Variants in UBP1 observed in about 807,000 individuals in gnomAD.
UBP1 encodes the protein upstream binding protein 1, also known as upstream-binding protein 1.
In UBP1, 22 loss-of-function variants were observed where a neutral mutation model predicts 76.1. That is an observed-to-expected ratio of 0.29 (90% CI 0.21 to 0.41). The LOEUF (loss-of-function observed/expected upper bound fraction) is 0.41, where lower values mean the gene tolerates loss of function less well. UBP1 is among the 10% of genes least tolerant of loss of function. The probability of loss-of-function intolerance (pLI) is 1.00; values close to 1 mark genes in which losing one functional copy is unlikely to be tolerated. For missense variants in UBP1, 436 were observed against 668.1 expected, an observed-to-expected ratio of 0.65 and a Z score of 3.83; for synonymous variants, 224 against 237.1, an observed-to-expected ratio of 0.94 and a Z score of 0.51.
intron 13 of UBP1, among the ~76,000 whole-genome samples, chr3:33,394,472 T>C (rs937664176): frequency 6.6e-6 from 1 of 151,844 alleles, no homozygotes; most frequent in African/African-American, 2.4e-5. Flanking sequence ...AAAGCTAATA[T>C]AAACAATGAA....
intron 10 of UBP1, among the ~76,000 whole-genome samples, 162 bp from the exon 11 acceptor site, chr3:33,400,444 A>G (rs1412388863): frequency 2.0e-5 from 3 of 152,206 alleles, no homozygotes; most frequent in Admixed American, 2.0e-4. Context: ...AGAAACTTAA[A>G]CATGATACAC....
intron 1 of UBP1, among the ~76,000 whole-genome samples, chr3:33,436,274 A>G (rs2045203429): frequency 6.6e-6 from 1 of 152,184 alleles, no homozygotes; most frequent in South Asian, 2.1e-4. Flanking sequence ...ATTAACATCC[A>G]CCCTTTGCAT....
intron 1 of UBP1, among the ~76,000 whole-genome samples, chr3:33,426,287 TC>T (rs1240038390): frequency 6.6e-6 from 1 of 151,910 alleles, no homozygotes; most frequent in Non-Finnish European, 1.5e-5. Context: ...AAACAATGGC[TC>T]CTACTGAGAG....
chr3:33,415,276 A>G (rs184974125), intron 3 of UBP1, among the ~76,000 whole-genome samples: 1 of 152,314 alleles, frequency 6.6e-6, no homozygotes, highest in African/African-American at 2.4e-5. Flanking sequence ...TTCAGAATTG[A>G]TTTTCTTCAA....
At position 33,389,161 on chromosome 3, in the gene UBP1, A is replaced by T. The variant is rs937727607; in HGVS notation, c.*1170T>A. On this transcript the variant is annotated 3_prime_UTR_variant, in exon 16 of 16. Coordinates refer to ENST00000283629, the MANE Select transcript of UBP1 (RefSeq NM_014517.5). ...TGCTAGCAGACAAGCATTTGGTTTTATGAAAGAGGCACTCTTATAGAGAAA... is the reference window on the plus strand; with the variant it reads ...TGCTAGCAGACAAGCATTTGGTTTTTTGAAAGAGGCACTCTTATAGAGAAA... 3 of 152,750 alleles carry T rather than the reference A, an allele frequency of 2.0e-5. No individual in the cohort carries two copies. Among genetic ancestry groups the T allele is most frequent in the Non-Finnish European group, 1.5e-5 (1 of 68,030 alleles). 9.5% of individuals were successfully genotyped at this position (152,750 alleles called of 1,614,324 possible). A position where few individuals can be genotyped will look rare whatever the true frequency, so the allele number is the denominator to read the frequency against.
At chr3:33,439,028 G>C (rs2045244689) in intron 1 of UBP1, among the ~76,000 whole-genome samples, 1 of 152,174 alleles carries the variant, frequency 6.6e-6, no homozygotes, top group African/African-American at 2.4e-5. Context: ...AAAGGATAAA[G>C]GGCGGAGACT....
chr3:33,425,001 C>T (rs960998116), intron 2 of UBP1, among the ~76,000 whole-genome samples: 2 of 151,982 alleles, frequency 1.3e-5, no homozygotes, highest in African/African-American at 4.8e-5. Flanking sequence ...GCCGAGATTG[C>T]GCCACTGCAC....
intron 1 of UBP1, among the ~76,000 whole-genome samples, chr3:33,433,365 TAAAAAAAAA>T (rs1170395728): frequency 3.5e-5 from 4 of 113,086 alleles, no homozygotes; most frequent in South Asian, 2.9e-4. Context: ...ACCCAGCCTT[TAAAAAAAAA>T]AAAAAAAAAA....
At chr3:33,426,886 T>C (rs2045026942) in intron 1 of UBP1, among the ~76,000 whole-genome samples, 1 of 152,246 alleles carries the variant, frequency 6.6e-6, no homozygotes, top group Non-Finnish European at 1.5e-5. Flanking sequence ...AACACTTTTC[T>C]ATGTTTTTGT....
chr3:33,399,331 A>G (rs184417294), intron 11 of UBP1, among the ~76,000 whole-genome samples: 61 of 152,366 alleles, frequency 4.0e-4, no homozygotes, highest in Admixed American at 3.6e-3. Flanking sequence ...CAGGTTTCCT[A>G]TAGCACTACC....
At chr3:33,409,687 C>T (rs2044520237) in intron 5 of UBP1, 86 bp from the exon 6 acceptor site, 3 of 1,512,846 alleles carry the variant, frequency 2.0e-6, no homozygotes, top group South Asian at 2.3e-5. Context: ...GACCTGACAC[C>T]ACTATAAATT....
chr3:33,419,442 A>T (rs1172018892), intron 2 of UBP1, among the ~76,000 whole-genome samples: 1 of 152,126 alleles, frequency 6.6e-6, no homozygotes, highest in Non-Finnish European at 1.5e-5. Context: ...AGCCTGGCCA[A>T]CACAGTGAAA....
chr3:33,412,865 G>T, intron 3 of UBP1, 38 bp from the exon 4 acceptor site: 3 of 1,370,288 alleles, frequency 2.2e-6, no homozygotes, highest in South Asian at 1.2e-5. Context: ...CTTTTAAACT[G>T]CTCCAGCTAA....
chr3:33,413,293 T>TCC lies in UBP1; in HGVS notation c.343-468_343-467dup, dbSNP rs2044638336. The stretch of plus-strand genomic sequence containing the variant: ...TGGGTGCGGTGGCTCACACCTGTAA[T>TCC]CCCAGCACTTTGGGAGGCTGAGGTG... On this transcript the variant is annotated intron_variant, in intron 3 of 15. Coordinates refer to ENST00000283629, the MANE Select transcript of UBP1 (RefSeq NM_014517.5). Among the ~76,000 whole-genome samples, 4 of 151,512 alleles carry TCC rather than the reference T, an allele frequency of 2.6e-5. No individual in the cohort carries two copies. The South Asian group carries it at 8.3e-4, about 32-fold the overall frequency.
At chr3:33,411,486 G>C in intron 5 of UBP1, 95 bp downstream of exon 5, 3 of 1,032,294 alleles carry the variant, frequency 2.9e-6, no homozygotes, top group Non-Finnish European at 4.5e-6. Flanking sequence ...TTTATAAATA[G>C]ACATTTAAAG....
intron 7 of UBP1, 44 bp downstream of exon 7, chr3:33,409,192 C>T: frequency 6.3e-7 from 1 of 1,579,356 alleles, no homozygotes; most frequent in Non-Finnish European, 8.7e-7. Flanking sequence ...GACTAATATG[C>T]AACCTTTGCT....
chr3:33,412,717 T>G lies in UBP1; in HGVS notation c.448+5A>C, dbSNP rs1329317114. On this transcript the variant is annotated splice_donor_5th_base_variant and intron_variant, in intron 4 of 15. Coordinates refer to ENST00000283629, the MANE Select transcript of UBP1 (RefSeq NM_014517.5). ...TCTCCATGGTCTTTTGATCACTGCC[T>G]GTACCTAAATCAAGAAGTCTGTCTC... 6.3e-7 allele frequency: 1 copy of G among 1,587,496 alleles called. No homozygotes were observed. The highest frequency in any genetic ancestry group is 1.7e-5 in the Admixed American group (1 of 59,976).
At chr3:33,416,901 A>G in intron 2 of UBP1, 67 bp from the exon 3 acceptor site, 1 of 1,317,852 alleles carries the variant, frequency 7.6e-7, no homozygotes, top group Non-Finnish European at 1.1e-6. Flanking sequence ...AACATAATTC[A>G]AAATGCATGT....
intron 12 of UBP1, chr3:33,396,670 A>C: frequency 2.4e-6 from 1 of 415,658 alleles, no homozygotes; most frequent in South Asian, 2.2e-5. Context: ...ATTTTAATTC[A>C]CAATTAGTTT....
Sources: gnomAD v4.1 joint callset for allele counts (sites outside exome capture counted in the v4.1 genomes callset) on GRCh38, gnomAD v4.1.1 for gene constraint, MANE v1.5 for transcripts, NCBI Gene and HGNC (gene_info 2026-07-23, HGNC 2026-07-21) for gene names.